The following TXLNB variants were observed in gnomAD, a reference collection of about 807,000 sequenced individuals.
TXLNB encodes taxilin beta, also known as beta-taxilin.
TXLNB carries 37 observed loss-of-function variants against 57.4 expected under a neutral mutation model. The observed-to-expected ratio is 0.64, with a 90% CI of 0.50 to 0.85. The LOEUF (loss-of-function observed/expected upper bound fraction) is 0.85, where lower values mean the gene tolerates loss of function less well. TXLNB is among the 40% of genes least tolerant of loss of function. The pLI, the probability that TXLNB is intolerant of heterozygous loss-of-function variation, is 0.00. For synonymous variants in TXLNB, 302 were observed against 309.6 expected (o/e 0.98, Z 0.26); for missense variants, 848 against 825.6 (o/e 1.03, Z -0.33).
chr6:139,164,742 C>T, the TXLNB span, among the ~76,000 whole-genome samples: 1 of 152,068 alleles, frequency 6.6e-6, no homozygotes. Flanking sequence ...GTGTGACTCC[C>T]TGAAGCACCC....
chr6:139,194,007 A>T, the TXLNB span, among the ~76,000 whole-genome samples: 3 of 150,096 alleles, frequency 2.0e-5, no homozygotes, highest in South Asian at 2.1e-4. Flanking sequence ...ACGCCCGGCC[A>T]ATTTTTTGTA....
At chr6:139,287,909 A>T (rs1396403628) in intron 2 of TXLNB, among the ~76,000 whole-genome samples, 1 of 152,236 alleles carries the variant, frequency 6.6e-6, no homozygotes, top group Non-Finnish European at 1.5e-5. Context: ...TGACCAAAAG[A>T]CCATGATTTA....
At position 139,241,706 on chromosome 6, in the gene TXLNB, T is replaced by C. The variant is rs1300100077; in HGVS notation, c.*820A>G. 6.6e-6 allele frequency: 1 copy of C among 152,278 alleles called. No individual in the cohort carries two copies. Among genetic ancestry groups the C allele is most frequent in the African/African-American group, 2.4e-5 (1 of 41,466 alleles). The allele number at this position is 152,278 out of a possible 1,614,324, so 9.4% of individuals were successfully genotyped here. On this transcript the variant is annotated 3_prime_UTR_variant, in exon 10 of 10. Transcript: ENST00000358430. ...CCCCTTGTGGTCATCTTTGTGTCCA[T>C]GCTGTCTGCACAGATTGTAGTCTAA...
chr6:139,296,111 C>T (rs1411182306), upstream of TXLNB, among the ~76,000 whole-genome samples: 2 of 152,144 alleles, frequency 1.3e-5, no homozygotes, highest in South Asian at 2.1e-4. Context: ...CCCCTGCTGT[C>T]GTTCTGGGAA....
At chr6:139,264,283 C>T (rs1444381470) in intron 4 of TXLNB, among the ~76,000 whole-genome samples, 1 of 152,190 alleles carries the variant, frequency 6.6e-6, no homozygotes. Context: ...TGTTTCCTCA[C>T]TGGTCCTGAT....
the TXLNB span, among the ~76,000 whole-genome samples, chr6:139,227,622 T>C: frequency 6.6e-6 from 1 of 152,172 alleles, no homozygotes; most frequent in East Asian, 1.9e-4. Context: ...TGGACACTAA[T>C]TGGAAACAAT....
the TXLNB span, among the ~76,000 whole-genome samples, chr6:139,181,097 A>AGAT: frequency 6.7e-6 from 1 of 148,374 alleles, no homozygotes; most frequent in Non-Finnish European, 1.5e-5. Flanking sequence ...ATTATTTGAT[A>AGAT]GATAGTATAG....
chr6:139,282,337 G>A (rs565091309), intron 2 of TXLNB, among the ~76,000 whole-genome samples: 2 of 145,884 alleles, frequency 1.4e-5, no homozygotes, highest in East Asian at 4.0e-4. Flanking sequence ...AGCACTTTGG[G>A]AGGGTGAGGT....
the TXLNB span, among the ~76,000 whole-genome samples, chr6:139,231,421 G>C: frequency 4.9e-3 from 753 of 152,242 alleles, 19 homozygotes; most frequent in Admixed American, 0.038. Context: ...GGTGTGGGTG[G>C]TCGTGAAACA....
chr6:139,243,920 T>C (rs1776010669), intron 9 of TXLNB, among the ~76,000 whole-genome samples: 1 of 152,212 alleles, frequency 6.6e-6, no homozygotes, highest in African/African-American at 2.4e-5. Flanking sequence ...TGTCTATTTG[T>C]GCATGAAAAT....
At chr6:139,248,514 A>G (rs1409525805) in intron 7 of TXLNB, among the ~76,000 whole-genome samples, 1 of 152,170 alleles carries the variant, frequency 6.6e-6, no homozygotes, top group East Asian at 1.9e-4. Context: ...AAAAAGAAAA[A>G]AATGAAAAAA....
At chr6:139,248,268 G>A (rs1419519462) in intron 7 of TXLNB, among the ~76,000 whole-genome samples, 2 of 142,272 alleles carry the variant, frequency 1.4e-5, no homozygotes, top group Non-Finnish European at 3.1e-5. Flanking sequence ...GCGAGACTCC[G>A]TCTCAAAAAA....
At chr6:139,166,453 C>G in the TXLNB span, 4 of 1,614,238 alleles carry the variant, frequency 2.5e-6, no homozygotes, top group Non-Finnish European at 3.4e-6. Context: ...AGTTCAACTG[C>G]ATCGGCCGCG....
intron 8 of TXLNB, among the ~76,000 whole-genome samples, chr6:139,245,028 G>C (rs1251273031): frequency 6.6e-6 from 1 of 152,166 alleles, no homozygotes. Context: ...TTACTGTATT[G>C]AATAGAAGAC....
At chr6:139,287,938 G>A (rs1777215922) in intron 2 of TXLNB, among the ~76,000 whole-genome samples, 1 of 152,152 alleles carries the variant, frequency 6.6e-6, no homozygotes, top group African/African-American at 2.4e-5. Context: ...TGTGCACCTA[G>A]CACAGTGCCT....
intron 2 of TXLNB, among the ~76,000 whole-genome samples, chr6:139,287,470 A>G (rs913915197): frequency 6.6e-6 from 1 of 152,184 alleles, no homozygotes; most frequent in African/African-American, 2.4e-5. Flanking sequence ...TCTGACTCCA[A>G]TGCTCATGAT....
At chr6:139,255,959 G>A (rs1052371541) in intron 6 of TXLNB, among the ~76,000 whole-genome samples, 13 of 151,388 alleles carry the variant, frequency 8.6e-5, no homozygotes, top group East Asian at 7.7e-4. Flanking sequence ...GTGCATGCCC[G>A]CAGTCCCAGC....
the TXLNB span, among the ~76,000 whole-genome samples, chr6:139,213,067 A>G: frequency 6.6e-6 from 1 of 152,192 alleles, no homozygotes; most frequent in South Asian, 2.1e-4. Context: ...AGACAGATCA[A>G]TGAGACAGAA....
the TXLNB span, among the ~76,000 whole-genome samples, chr6:139,168,980 A>G: frequency 1.3e-5 from 2 of 152,148 alleles, no homozygotes; most frequent in Non-Finnish European, 2.9e-5. Context: ...CCACCCCTCC[A>G]TGAAGGTTTT....
Sources: gnomAD v4.1 joint callset for allele counts (sites outside exome capture counted in the v4.1 genomes callset) on GRCh38, gnomAD v4.1.1 for gene constraint, MANE v1.5 for transcripts, NCBI Gene and HGNC (gene_info 2026-07-23, HGNC 2026-07-21) for gene names.